Variants in SORCS1 observed in about 807,000 individuals in gnomAD.
The protein encoded by SORCS1 is VPS10 domain-containing receptor SorCS1.
SORCS1 carries 60 observed loss-of-function variants against 146.1 expected under a neutral mutation model. The observed-to-expected ratio is 0.41, with a 90% confidence interval of 0.33 to 0.51. SORCS1 has a LOEUF of 0.51. SORCS1 is among the 20% of genes least tolerant of loss of function. The pLI is 0.21. For synonymous variants in SORCS1, 637 were observed against 584.0 expected (o/e 1.09, Z -1.31); for missense variants, 1,352 against 1,487.6 (o/e 0.91, Z 1.50).
At chr10:107,024,801 G>A (rs1485771185) in intron 1 of SORCS1, among the ~76,000 whole-genome samples, 1 of 151,916 alleles carries the variant, frequency 6.6e-6, no homozygotes, top group Non-Finnish European at 1.5e-5. Flanking sequence ...TTTTCACAGA[G>A]TACATCTTTA....
intron 23 of SORCS1, among the ~76,000 whole-genome samples, chr10:106,604,966 C>G (rs549726868): frequency 6.6e-5 from 10 of 152,344 alleles, no homozygotes; most frequent in African/African-American, 2.2e-4. Context: ...TTCTTGTCCT[C>G]ACTTTCCTCA....
intron 1 of SORCS1, among the ~76,000 whole-genome samples, chr10:107,125,142 G>A (rs1966643289): frequency 1.3e-5 from 2 of 151,698 alleles, no homozygotes; most frequent in Non-Finnish European, 2.9e-5. Context: ...TACTAAAGAT[G>A]GGGTTTCACC....
chr10:106,920,114 AC>A (rs1257562946), intron 2 of SORCS1, among the ~76,000 whole-genome samples: 3 of 152,094 alleles, frequency 2.0e-5, no homozygotes, highest in Non-Finnish European at 4.4e-5. Flanking sequence ...CACCACTGTT[AC>A]CCCCAGTCAC....
At chr10:107,077,526 A>T (rs538323644) in intron 1 of SORCS1, among the ~76,000 whole-genome samples, 9 of 151,628 alleles carry the variant, frequency 5.9e-5, no homozygotes, top group Admixed American at 2.0e-4. Context: ...TACATATTTT[A>T]TAAAGACAGT....
chr10:106,996,423 A>G (rs185081981), intron 1 of SORCS1, among the ~76,000 whole-genome samples: 101 of 152,270 alleles, frequency 6.6e-4, no homozygotes, highest in African/African-American at 2.4e-3. Context: ...ATAGAATCAG[A>G]TAACTACCAG....
At chr10:107,106,294 T>G (rs368754702) in intron 1 of SORCS1, among the ~76,000 whole-genome samples, 8 of 152,300 alleles carry the variant, frequency 5.3e-5, no homozygotes, top group East Asian at 3.9e-4. Flanking sequence ...GATAAGTTAA[T>G]CAATTTATCT....
intron 1 of SORCS1, among the ~76,000 whole-genome samples, chr10:107,013,142 TAGAA>T (rs1363071694): frequency 5.3e-5 from 8 of 152,136 alleles, no homozygotes; most frequent in African/African-American, 1.9e-4. Flanking sequence ...AATAAACAAA[TAGAA>T]AGTCTGAACA....
chr10:107,106,936 A>T (rs896897869), intron 1 of SORCS1, among the ~76,000 whole-genome samples: 1 of 152,204 alleles, frequency 6.6e-6, no homozygotes, highest in Non-Finnish European at 1.5e-5. Flanking sequence ...CTCACCAGAT[A>T]CCTAATCTAC....
rs1275290663 is a variant in SORCS1, at chr10:107,114,229, CT to C, written c.558+49739del. Among the ~76,000 whole-genome samples the C allele has an allele frequency of 5.3e-5, 8 of 152,218 alleles. No individual in the cohort carries two copies. In the East Asian group the frequency reaches 1.5e-3, roughly 29 times the overall value. On this transcript the variant is annotated intron_variant, in intron 1 of 25. Transcript: ENST00000263054. ...AATTAATGCCCATCCTTCTCAAAGT[CT>C]TTCAAAAAATTAAAGAGGAGAGGAC...
intron 20 of SORCS1, among the ~76,000 whole-genome samples, chr10:106,618,575 T>C (rs544229354): frequency 1.3e-5 from 2 of 152,274 alleles, no homozygotes; most frequent in South Asian, 2.1e-4. Flanking sequence ...TCTTTATGCA[T>C]GACCTACTCA....
rs766818370 is a variant in SORCS1, at chr10:106,970,336, CTT to C, written c.559-13758_559-13757del. 6.9e-3 allele frequency among the ~76,000 whole-genome samples: 621 copies of C among 89,406 alleles called. 14 individuals carry two copies. Among genetic ancestry groups the C allele is most frequent in the African/African-American group, 0.029 (531 of 18,444 alleles). The allele number at this position is 89,406 out of a possible 152,430, so 58.7% of individuals were successfully genotyped here. ...TTCCCTCCAAATGTAACCAACATCT[CTT>C]TTTTTTTTTTTTTTTTTGAGATGGA... On this transcript the variant is annotated intron_variant, in intron 1 of 25. Coordinates refer to ENST00000263054, the MANE Select transcript of SORCS1 (RefSeq NM_052918.5).
rs78106477 is a variant in SORCS1 at position 106,989,555 on chromosome 10, C to G, written c.559-32975G>C. Among the ~76,000 whole-genome samples the G allele has an allele frequency of 4.6e-5, 7 of 151,906 alleles. No individual in the cohort carries two copies. In the East Asian group the frequency reaches 5.8e-4, roughly 13 times the overall value. On this transcript the variant is annotated intron_variant, in intron 1 of 25. Coordinates refer to ENST00000263054, the MANE Select transcript of SORCS1 (RefSeq NM_052918.5). The stretch of plus-strand genomic sequence containing the variant: ...TACTTTCTAATCCTCATCCTCTCCC[C>G]CTTCTTGCATAGGGCTTTCTGGTTG...
At chr10:106,824,293 CAAA>C (rs71025559) in intron 3 of SORCS1, among the ~76,000 whole-genome samples, 8 of 104,710 alleles carry the variant, frequency 7.6e-5, no homozygotes, top group Admixed American at 2.1e-4. Flanking sequence ...GACTCTATCT[CAAA>C]AAAAAAAAAA....
intron 1 of SORCS1, among the ~76,000 whole-genome samples, chr10:106,971,005 C>T (rs1564871472): frequency 6.6e-6 from 1 of 150,916 alleles, no homozygotes; most frequent in South Asian, 2.1e-4. Context: ...CTGCCTCAGC[C>T]TTCCAAAGTG....
chr10:106,804,720 T>C (rs74152245), intron 3 of SORCS1, among the ~76,000 whole-genome samples: 78 of 152,328 alleles, frequency 5.1e-4, no homozygotes, highest in African/African-American at 1.8e-3. Flanking sequence ...TTTCCTAGCA[T>C]GGTGCACTCA....
At chr10:107,112,880 G>A (rs1322617830) in intron 1 of SORCS1, among the ~76,000 whole-genome samples, 3 of 152,144 alleles carry the variant, frequency 2.0e-5, no homozygotes, top group Non-Finnish European at 4.4e-5. Context: ...GAAATGAAGG[G>A]AGAAATAGAC....
intron 1 of SORCS1, among the ~76,000 whole-genome samples, chr10:107,009,251 A>G (rs1957585810): frequency 6.6e-6 from 1 of 152,194 alleles, no homozygotes; most frequent in Admixed American, 6.5e-5. Flanking sequence ...GACCCTTATA[A>G]AAGCTATTCC....
At chr10:106,756,908 C>T (rs2136220168) in intron 5 of SORCS1, among the ~76,000 whole-genome samples, 2 of 152,272 alleles carry the variant, frequency 1.3e-5, no homozygotes, top group South Asian at 4.1e-4. Flanking sequence ...TCCTGTTTTA[C>T]ACCCTGTTAC....
intron 1 of SORCS1, among the ~76,000 whole-genome samples, chr10:107,066,721 TG>T (rs1564994100): frequency 6.6e-6 from 1 of 152,160 alleles, no homozygotes; most frequent in Non-Finnish European, 1.5e-5. Context: ...AAACTCAAAA[TG>T]GGACTGAGTT....
Sources: allele counts gnomAD v4.1 joint callset (sites outside exome capture counted in the v4.1 genomes callset), GRCh38; gene constraint gnomAD v4.1.1; transcripts MANE v1.5; gene names NCBI Gene and HGNC (gene_info 2026-07-23, HGNC 2026-07-21).